The following CFAP184 variants were observed in gnomAD, a reference collection of about 807,000 sequenced individuals.
CFAP184 encodes the protein cilia- and flagella-associated protein 184.
chr4:7,042,499 G>A, the CFAP184 span: 1 of 1,609,358 alleles, frequency 6.2e-7, no homozygotes, highest in African/African-American at 1.3e-5. Flanking sequence ...ATCGATCCTG[G>A]TCAGCGGCAG....
At chr4:7,042,113 C>T in the CFAP184 span, 2 of 1,607,706 alleles carry the variant, frequency 1.2e-6, no homozygotes, top group Non-Finnish European at 1.7e-6. Context: ...TCGGGGGCCT[C>T]GGCCTCTGCG....
chr4:7,042,243 G>C, the CFAP184 span: 2 of 1,599,298 alleles, frequency 1.3e-6, no homozygotes, highest in Non-Finnish European at 1.7e-6. Flanking sequence ...GCAGGGAACG[G>C]TACTGGTCCA....
At chr4:7,040,890 G>C in the CFAP184 span, 2 of 175,458 alleles carry the variant, frequency 1.1e-5, no homozygotes, top group African/African-American at 2.4e-5. Context: ...TTAATGCACA[G>C]GGTTTTTTTG....
chr4:7,041,725 A>C, the CFAP184 span: 1 of 1,614,072 alleles, frequency 6.2e-7, no homozygotes, highest in Non-Finnish European at 8.5e-7. Flanking sequence ...AAAGTCAATA[A>C]GAAGCAGACC....
At chr4:7,041,556 CTT>C in the CFAP184 span, 1 of 1,614,264 alleles carries the variant, frequency 6.2e-7, no homozygotes, top group Non-Finnish European at 8.5e-7. Flanking sequence ...CCAGCTGTGT[CTT>C]TTTGCACGCG....
chr4:7,042,934 T>A, the CFAP184 span: 6 of 1,436,446 alleles, frequency 4.2e-6, no homozygotes, highest in South Asian at 1.5e-5. Flanking sequence ...AGAGCTGACG[T>A]CCATCTCCTC....
the CFAP184 span, chr4:7,042,825 G>T: frequency 6.4e-7 from 1 of 1,570,266 alleles, no homozygotes. Context: ...CCCCGGGTTC[G>T]GGAGAGGTCG....
the CFAP184 span, chr4:7,042,575 C>T: frequency 6.4e-7 from 1 of 1,553,228 alleles, no homozygotes; most frequent in Non-Finnish European, 8.7e-7. Context: ...CCCGCCTCCG[C>T]CTCTAGTTCC....
chr4:7,042,967 C>G, the CFAP184 span: 1 of 1,404,244 alleles, frequency 7.1e-7, no homozygotes, highest in Non-Finnish European at 9.3e-7. Context: ...GCGCAGCGGA[C>G]CCCGGCAGGA....
At chr4:7,042,471 T>G in the CFAP184 span, 3 of 1,610,656 alleles carry the variant, frequency 1.9e-6, no homozygotes, top group Non-Finnish European at 2.5e-6. Flanking sequence ...CCTCCGGGGC[T>G]GCAGCAGCCT....
the CFAP184 span, chr4:7,041,420 G>A: frequency 7.4e-6 from 12 of 1,614,136 alleles, no homozygotes; most frequent in Admixed American, 1.7e-5. Context: ...TCCCGAAGAA[G>A]TGAGTCCTTG....
the CFAP184 span, chr4:7,042,719 T>C: frequency 6.6e-7 from 1 of 1,518,154 alleles, no homozygotes; most frequent in Non-Finnish European, 8.8e-7. Context: ...TCGGCTGCCG[T>C]TAGCCCTTTC....
chr4:7,042,539 C>T, the CFAP184 span: 13 of 1,591,760 alleles, frequency 8.2e-6, no homozygotes, highest in East Asian at 2.2e-5. Flanking sequence ...TCCTTCCCCT[C>T]TGCCGCCTGC....
the CFAP184 span, chr4:7,042,542 C>A: frequency 6.3e-7 from 1 of 1,588,606 alleles, no homozygotes; most frequent in Non-Finnish European, 8.6e-7. Flanking sequence ...TTCCCCTCTG[C>A]CGCCTGCTCC....
At chr4:7,041,490 T>G in the CFAP184 span, 1 of 1,614,106 alleles carries the variant, frequency 6.2e-7, no homozygotes, top group Non-Finnish European at 8.5e-7. Context: ...CCTCTCGGGC[T>G]TGCTTCGTCT....
At chr4:7,041,714 CAA>C in the CFAP184 span, 1 of 1,614,194 alleles carries the variant, frequency 6.2e-7, no homozygotes. Flanking sequence ...TTCAGCTGTT[CAA>C]AGTCAATAAG....
At chr4:7,042,875 C>G in the CFAP184 span, 4 of 1,561,582 alleles carry the variant, frequency 2.6e-6, no homozygotes, top group Non-Finnish European at 3.5e-6. Flanking sequence ...GGCCGCGCGG[C>G]CAGGCTTTCC....
chr4:7,041,263 C>T, the CFAP184 span: 11 of 1,559,584 alleles, frequency 7.1e-6, no homozygotes, highest in South Asian at 8.2e-5. Flanking sequence ...CTCTTCTCAT[C>T]GATCTGGTCA....
chr4:7,041,190 T>C, the CFAP184 span: 11 of 1,500,564 alleles, frequency 7.3e-6, no homozygotes, highest in South Asian at 1.5e-4. Context: ...ACAGGCCTTT[T>C]TAATAGCAAC....
Sources: gnomAD v4.1 joint callset for allele counts on GRCh38, gnomAD v4.1.1 for gene constraint, MANE v1.5 for transcripts, NCBI Gene and HGNC (gene_info 2026-07-23, HGNC 2026-07-21) for gene names.